Variants in FAAH2 observed in about 807,000 individuals in gnomAD.
FAAH2 encodes fatty acid amide hydrolase 2.
A neutral mutation model predicts 36.9 loss-of-function variants in FAAH2; 60 were observed. The ratio of observed to expected loss-of-function variants is 1.63; its 90% CI spans 1.32 to 2.02. The LOEUF (loss-of-function observed/expected upper bound fraction) is 2.02, where lower values mean the gene tolerates loss of function less well. Among genes scored for constraint, FAAH2 ranks in the 30% most tolerant of loss-of-function variants. The probability of loss-of-function intolerance (pLI) is 0.00; values close to 1 mark genes in which losing one functional copy is unlikely to be tolerated. For synonymous variants in FAAH2, 214 were observed against 143.8 expected (o/e 1.49, Z -3.49); for missense variants, 689 against 397.5 (o/e 1.73, Z -6.23).
chrX:57,231,504 A>T, the FAAH2 span, among the ~76,000 whole-genome samples: 3 of 111,193 alleles, frequency 2.7e-5, no homozygotes, highest in East Asian at 2.8e-4. Flanking sequence ...AATATTTTGA[A>T]TTTTTTTGTA....
intron 7 of FAAH2, chrX:57,393,705 C>T: frequency 9.8e-7 from 1 of 1,018,494 alleles, no homozygotes; most frequent in Non-Finnish European, 1.4e-6. Flanking sequence ...TCTCTCCTGT[C>T]TTCTAGAGAA....
intron 7 of FAAH2, among the ~76,000 whole-genome samples, chrX:57,397,064 C>G (rs1158151460): frequency 3.6e-5 from 4 of 111,378 alleles, no homozygotes; most frequent in Non-Finnish European, 5.7e-5. Context: ...ATATAATGCC[C>G]TTCTTTGTTT....
chrX:57,385,902 C>T (rs1354757277), intron 7 of FAAH2, among the ~76,000 whole-genome samples: 3 of 26,252 alleles, frequency 1.1e-4, no homozygotes, highest in African/African-American at 1.7e-4. Flanking sequence ...AGTGAGACTC[C>T]GTTAAAAAAA....
intron 3 of FAAH2, among the ~76,000 whole-genome samples, chrX:57,319,023 AAAT>A (rs1324414871): frequency 2.7e-5 from 3 of 111,691 alleles, no homozygotes; most frequent in Non-Finnish European, 3.8e-5. Context: ...ACATATCTCA[AAAT>A]AATAAGAGCT....
At chrX:57,334,833 G>A (rs1049368565) in intron 4 of FAAH2, among the ~76,000 whole-genome samples, 2 of 111,570 alleles carry the variant, frequency 1.8e-5, no homozygotes, top group African/African-American at 6.5e-5. Context: ...TATGCATTAA[G>A]TGGCAAGAGA....
intron 5 of FAAH2, 21 bp from the exon 6 acceptor site, chrX:57,378,630 C>A (rs1569303212): frequency 1.1e-5 from 13 of 1,209,601 alleles, no homozygotes; most frequent in Non-Finnish European, 1.3e-5. Context: ...GGGCGGCTAA[C>A]CTGACTGTCT....
At chrX:57,188,292 G>A in the FAAH2 span, among the ~76,000 whole-genome samples, 1 of 111,134 alleles carries the variant, frequency 9.0e-6, no homozygotes, top group African/African-American at 3.3e-5. Flanking sequence ...AGTCTTGGGA[G>A]GGTGTATGCA....
At chrX:57,432,149 A>C (rs1178682172) in intron 8 of FAAH2, 112 bp downstream of exon 8, 22 of 571,855 alleles carry the variant, frequency 3.8e-5, no homozygotes, top group Non-Finnish European at 4.3e-5. Flanking sequence ...GAAAAAAATA[A>C]GTAAAATAGT....
chrX:57,192,128 T>C, the FAAH2 span, among the ~76,000 whole-genome samples: 1 of 111,985 alleles, frequency 8.9e-6, no homozygotes, highest in Non-Finnish European at 1.9e-5. Flanking sequence ...TTTGGTGTTC[T>C]TTTCAATTTT....
chrX:57,152,913 C>CCG, the FAAH2 span, among the ~76,000 whole-genome samples: 4 of 110,016 alleles, frequency 3.6e-5, no homozygotes, highest in African/African-American at 1.4e-4. Flanking sequence ...CCTTGGCTCC[C>CCG]CCCCCGCTGA....
chrX:57,449,866 A>T (rs1454813633), intron 10 of FAAH2, among the ~76,000 whole-genome samples: 1 of 111,387 alleles, frequency 9.0e-6, no homozygotes, highest in Non-Finnish European at 1.9e-5. Context: ...AGGTTTCACC[A>T]TGTTGGCCAG....
At chrX:57,184,973 ATATATT>A in the FAAH2 span, among the ~76,000 whole-genome samples, 1 of 111,406 alleles carries the variant, frequency 9.0e-6, no homozygotes. Flanking sequence ...TAGTAGGTGT[ATATATT>A]TATGAGCTGC....
intron 10 of FAAH2, among the ~76,000 whole-genome samples, chrX:57,449,648 GTCCT>G (rs771796983): frequency 7.3e-5 from 8 of 110,169 alleles, no homozygotes; most frequent in African/African-American, 9.9e-5. Flanking sequence ...CTTCCTTCCT[GTCCT>G]TCCTTCCTTC....
intron 5 of FAAH2, among the ~76,000 whole-genome samples, chrX:57,348,333 G>A (rs750188036): frequency 9.0e-6 from 1 of 111,078 alleles, no homozygotes; most frequent in Admixed American, 9.6e-5. Flanking sequence ...CTGCCAACAT[G>A]AGCACATAAT....
chrX:57,248,920 A>T, the FAAH2 span, among the ~76,000 whole-genome samples: 4 of 105,930 alleles, frequency 3.8e-5, no homozygotes, highest in Non-Finnish European at 3.8e-5. Flanking sequence ...AGAAGTTTAG[A>T]TATTCCCTTA....
At chrX:57,320,913 T>C (rs2053001728) in intron 3 of FAAH2, among the ~76,000 whole-genome samples, 1 of 111,176 alleles carries the variant, frequency 9.0e-6, no homozygotes. Flanking sequence ...CCAAGGCAGG[T>C]GGATCATGAG....
intron 3 of FAAH2, among the ~76,000 whole-genome samples, chrX:57,325,276 T>C (rs1176163047): frequency 3.6e-5 from 4 of 111,542 alleles, no homozygotes; most frequent in Non-Finnish European, 7.5e-5. Flanking sequence ...TTGATGTTCA[T>C]CAGGGATATT....
chrX:57,123,327 C>T, the FAAH2 span, among the ~76,000 whole-genome samples: 80 of 111,878 alleles, frequency 7.2e-4, no homozygotes, highest in East Asian at 5.6e-3. Flanking sequence ...ACAAAGGACA[C>T]GGACTCATCA....
In FAAH2 at chrX:57,393,520, G is replaced by A. The variant is rs146707742; in HGVS notation, c.996+12491G>A. The A allele has an allele frequency of 6.3e-4, 605 of 958,031 alleles. 1 individual carries two copies. In the African/African-American group the frequency reaches 9.5e-3, roughly 15 times the overall value. The allele number at this position is 958,031 out of a possible 1,213,427, so 79.0% of individuals were successfully genotyped here. The stretch of plus-strand genomic sequence containing the variant: ...CAATGATAGAGGAATTGCCGTGTGC[G>A]ATGATGGCAAATGGGCCTGCATGGA... On this transcript the variant is annotated intron_variant, in intron 7 of 10. Coordinates refer to ENST00000374900, the MANE Select transcript of FAAH2 (RefSeq NM_174912.4).
Sources: allele counts gnomAD v4.1 joint callset (sites outside exome capture counted in the v4.1 genomes callset), GRCh38; gene constraint gnomAD v4.1.1; transcripts MANE v1.5; gene names NCBI Gene and HGNC (gene_info 2026-07-23, HGNC 2026-07-21).